ZNF530: variants seen among roughly 807,000 people sequenced by gnomAD.
ZNF530 encodes the protein zinc finger protein 530.
A neutral mutation model predicts 2.8 loss-of-function variants in ZNF530; 5 were observed. The observed-to-expected ratio is 1.80, with a 90% CI of 0.94 to 3.78. The LOEUF (loss-of-function observed/expected upper bound fraction) is 3.78. Among genes scored for constraint, ZNF530 ranks in the 30% most tolerant of loss-of-function variants. The pLI is 0.00. For missense variants in ZNF530, 619 were observed against 673.3 expected, an observed-to-expected ratio of 0.92 and a Z score of 0.89; for synonymous variants, 229 against 235.0, an observed-to-expected ratio of 0.97 and a Z score of 0.23.
chr19:57,612,691 T>G (rs1048405535), downstream of ZNF530: 18 of 392,346 alleles, frequency 4.6e-5, no homozygotes, highest in Non-Finnish European at 7.2e-5. Flanking sequence ...CAAAATTAAA[T>G]AAATAAATAA....
At chr19:57,604,133 G>C in intron 2 of ZNF530, 144 bp from the exon 3 acceptor site, 1 of 1,063,644 alleles carries the variant, frequency 9.4e-7, no homozygotes. Context: ...CCATGAGAGA[G>C]TAGGCATCAG....
intron 1 of ZNF530, 77 bp downstream of exon 1, chr19:57,600,211 C>G (rs1168469700): frequency 8.7e-6 from 13 of 1,492,718 alleles, no homozygotes; most frequent in Non-Finnish European, 1.8e-6. Flanking sequence ...TTTCTGCAGC[C>G]CGGACCGCAC....
downstream of ZNF530, among the ~76,000 whole-genome samples, chr19:57,610,416 G>GTGTGTGTGTGTGTA (rs1980829495): frequency 8.5e-6 from 1 of 117,112 alleles, no homozygotes; most frequent in Admixed American, 8.3e-5. Flanking sequence ...GTACATATGT[G>GTGTGTGTGTGTGTA]TGTGTGTGTG....
In ZNF530 at chr19:57,606,169, A is replaced by G; in HGVS notation, c.545A>G (p.Glu182Gly). 6.2e-7 allele frequency: 1 copy of G among 1,614,248 alleles called. No individual in the cohort carries two copies. Among genetic ancestry groups the G allele is most frequent in the Non-Finnish European group, 8.5e-7 (1 of 1,180,048 alleles). ...GGACGAAAGCCTCTCAAATACACTG[A>G]ATCCAGGAAATCTTTTAGAGAGAAA... Reference protein sequence around the residue: ...PTGRKPLKYTESRKSFREKSV... With the variant: ...PTGRKPLKYTGSRKSFREKSV... Residue 182 changes from glutamate (E) to glycine (G), a missense_variant, in exon 4 of 4, where the codon GAA becomes GGA. Transcript: ENST00000597700.
chr19:57,611,997 C>G (rs948610928), downstream of ZNF530, among the ~76,000 whole-genome samples: 2 of 152,188 alleles, frequency 1.3e-5, no homozygotes, highest in Non-Finnish European at 2.9e-5. Context: ...CTGATCTGGC[C>G]TAGGCTTTCC....
chr19:57,612,413 A>G (rs1599941705), downstream of ZNF530: 1 of 399,706 alleles, frequency 2.5e-6, no homozygotes, highest in East Asian at 3.6e-5. Context: ...TATTTCTTAG[A>G]ACTATGAATA....
intron 2 of ZNF530, 25 bp from the exon 3 acceptor site, chr19:57,604,252 A>G (rs768443400): frequency 4.3e-6 from 7 of 1,613,558 alleles, no homozygotes; most frequent in African/African-American, 4.0e-5. Context: ...GATGCTGACC[A>G]TGGAATGAAC....
chr19:57,610,322 C>T (rs1980822633), downstream of ZNF530, among the ~76,000 whole-genome samples: 1 of 151,892 alleles, frequency 6.6e-6, no homozygotes, highest in Non-Finnish European at 1.5e-5. Flanking sequence ...ATTTATAAAA[C>T]TTCCCCTTAG....
chr19:57,607,781 A>G lies in ZNF530; in HGVS notation c.*456A>G. 1 of 171,728 alleles carries G rather than the reference A, an allele frequency of 5.8e-6. No homozygotes were observed. Among genetic ancestry groups the G allele is most frequent in the Non-Finnish European group, 1.3e-5 (1 of 79,124 alleles). The allele number at this position is 171,728 out of a possible 1,614,324, so 10.6% of individuals were successfully genotyped here. On this transcript the variant is annotated 3_prime_UTR_variant, in exon 4 of 4. Coordinates refer to ENST00000597700, the MANE Select transcript of ZNF530 (RefSeq NM_001321981.2). ...TAGCCTTTGAGAAGAGCCTTCTCTG[A>G]TGTGACTCATGTATCCAAACATCCA...
rs755280328 is a variant in ZNF530, at chr19:57,605,827, G to T, written c.203G>T (p.Arg68Ile). 11 of 1,614,036 alleles carry T rather than the reference G, an allele frequency of 6.8e-6. No individual in the cohort carries two copies. Among genetic ancestry groups the T allele is most frequent in the Non-Finnish European group, 8.5e-6 (10 of 1,180,046 alleles). ...HPCEICTPVL[R>I]DILQMIELHA... ...TGTGAGATTTGTACCCCAGTCCTGA[G>T]AGACATTTTACAAATGATTGAGCTC... The change falls in exon 4 of 4, where the codon AGA (arginine) becomes ATA (isoleucine). Residue 68 changes from arginine (R) to isoleucine (I), a missense_variant. Transcript: ENST00000597700.
chr19:57,611,620 T>C (rs978700560), downstream of ZNF530, among the ~76,000 whole-genome samples: 3 of 152,180 alleles, frequency 2.0e-5, no homozygotes, highest in Non-Finnish European at 2.9e-5. Flanking sequence ...CGAAACCTTA[T>C]CAGGGGTTGT....
In ZNF530 at chr19:57,599,923, T is replaced by A. The variant is rs1980132199; in HGVS notation, c.-333T>A. 6.6e-6 allele frequency: 4 copies of A among 609,910 alleles called. No homozygotes were observed. Among genetic ancestry groups the A allele is most frequent in the Non-Finnish European group, 1.1e-5 (4 of 371,876 alleles). 37.8% of individuals were successfully genotyped at this position (609,910 alleles called of 1,614,324 possible). On this transcript the variant is annotated 5_prime_UTR_variant, in exon 1 of 4. It adds an upstream start codon to the 5' untranslated region. Transcript: ENST00000597700. The stretch of plus-strand genomic sequence containing the variant: ...TCCTCCCTGTGGCGGGCACTTTGGC[T>A]TGTGTCAGTTCCATCCGCGGGTGCC...
downstream of ZNF530, among the ~76,000 whole-genome samples, chr19:57,612,282 A>AT (rs1185286080): frequency 4.6e-5 from 7 of 151,866 alleles, no homozygotes; most frequent in Admixed American, 2.6e-4. Flanking sequence ...ATAATTTAGC[A>AT]TTTTTTTCAT....
chr19:57,600,370 C>G (rs537632143), intron 1 of ZNF530, among the ~76,000 whole-genome samples: 1 of 152,344 alleles, frequency 6.6e-6, no homozygotes, highest in South Asian at 2.1e-4. Context: ...CGGCCTCACG[C>G]GTGCAGGTAG....
rs776560737 is a variant in ZNF530 at position 57,607,281 on chromosome 19, C to T, written c.1657C>T (p.Gln553Ter). 8 of 1,613,506 alleles carry T rather than the reference C, an allele frequency of 5.0e-6. No individual in the cohort carries two copies. The South Asian group carries it at 7.7e-5, about 16-fold the overall frequency. Residue 553 changes from glutamine (Q) to a stop codon, truncating the protein, a stop_gained, in exon 4 of 4, where the codon CAA (glutamine) becomes TAA (stop). Transcript: ENST00000597700. LOFTEE classifies it low-confidence loss of function (END_TRUNC). ...CAGTGAATGTGGAAAATCCTTTAGC[C>T]AAAGCTCTGGCCTCTTAAGACACAG... ...ECSECGKSFSQSSGLLRHRRV... is the reference protein window; with the variant it reads ...ECSECGKSFS
At position 57,605,804 on chromosome 19, in the gene ZNF530, T is replaced by C. The variant is rs1479333362; in HGVS notation, c.180T>C (p.Cys60=). ...CATCCACTGATAAGAGTCACCCCTG[T>C]GAGATTTGTACCCCAGTCCTGAGAG... ...ADTSTDKSHP[C]EICTPVLRDI... The change falls in exon 4 of 4, where the codon TGT becomes TGC. Residue 60 remains cysteine (C), a synonymous_variant. Coordinates refer to ENST00000597700, the MANE Select transcript of ZNF530 (RefSeq NM_001321981.2). 1.9e-6 allele frequency: 3 copies of C among 1,611,782 alleles called. No homozygotes were observed. The highest frequency in any genetic ancestry group is 4.5e-5 in the East Asian group (2 of 44,860).
intron 3 of ZNF530, chr19:57,605,363 A>G (rs1980451485): frequency 4.5e-6 from 1 of 221,756 alleles, no homozygotes; most frequent in East Asian, 1.1e-4. Context: ...ATGGGTGTCT[A>G]CTGGGCCTGG....
In ZNF530 at chr19:57,606,074, T is replaced by C. The variant is rs775695836; in HGVS notation, c.450T>C (p.Leu150=). The change falls in exon 4 of 4, where the codon CTT becomes CTC. Residue 150 remains leucine (L), a synonymous_variant. Coordinates refer to ENST00000597700, the MANE Select transcript of ZNF530 (RefSeq NM_001321981.2). ...VGRDFSATSG[L]LQHQVTPTIE... ...GGGACTTTTCAGCCACCTCAGGACTTCTCCAGCATCAGGTGACTCCCACCA... is the reference window on the plus strand; with the variant it reads ...GGGACTTTTCAGCCACCTCAGGACTCCTCCAGCATCAGGTGACTCCCACCA... The C allele has an allele frequency of 3.5e-5, 57 of 1,614,070 alleles. No homozygotes were observed. The highest frequency in any genetic ancestry group is 4.6e-5 in the Non-Finnish European group (54 of 1,180,040).
At chr19:57,605,228 C>T (rs529356692) in intron 3 of ZNF530, 2 of 153,668 alleles carry the variant, frequency 1.3e-5, no homozygotes, top group South Asian at 4.1e-4. Flanking sequence ...TTCTGGCCTC[C>T]ATGTGTCACC....
Sources: gnomAD v4.1 joint callset for allele counts (sites outside exome capture counted in the v4.1 genomes callset) on GRCh38, gnomAD v4.1.1 for gene constraint, MANE v1.5 for transcripts, NCBI Gene and HGNC (gene_info 2026-07-23, HGNC 2026-07-21) for gene names.